TMEM150B: variants seen among roughly 807,000 people sequenced by gnomAD.
TMEM150B encodes the protein modulator of macroautophagy TMEM150B.
A neutral mutation model predicts 25.2 loss-of-function variants in TMEM150B; 33 were observed. The observed-to-expected ratio is 1.31, with a 90% CI of 0.99 to 1.75. TMEM150B has a LOEUF of 1.75. Ranked by LOEUF, TMEM150B falls within the 40% of genes most tolerant of loss-of-function variation. The pLI is 0.00. For synonymous variants in TMEM150B, 133 were observed against 134.8 expected (o/e 0.99, Z 0.09); for missense variants, 322 against 306.1 (o/e 1.05, Z -0.39).
chr19:55,312,784 TG>T, downstream of TMEM150B: 1 of 1,419,210 alleles, frequency 7.0e-7, no homozygotes, highest in East Asian at 2.5e-5. Context: ...CTCATCTTGC[TG>T]GGTGCGGGGC....
rs919062099 is a variant in TMEM150B, at chr19:55,320,250, T to G, written c.197-84A>C. The G allele has an allele frequency of 3.2e-6, 5 of 1,542,138 alleles. No homozygotes were observed. In the African/African-American group the frequency reaches 6.9e-5, roughly 21 times the overall value. On this transcript the variant is annotated intron_variant, in intron 5 of 7. Transcript: ENST00000326652. The stretch of plus-strand genomic sequence containing the variant: ...AGGGAGGGAAGTGAGGGGAGCAAGG[T>G]GAGGGAGAAAGTGGCAAACTCCCGG...
chr19:55,318,287 G>A (rs959297891), intron 6 of TMEM150B, among the ~76,000 whole-genome samples: 4 of 151,756 alleles, frequency 2.6e-5, no homozygotes, highest in African/African-American at 4.8e-5. Flanking sequence ...ACTTGAGCCC[G>A]GGAGATGGAG....
chr19:55,320,653 C>T, intron 3 of TMEM150B, 36 bp from the exon 4 acceptor site: 1 of 1,610,290 alleles, frequency 6.2e-7, no homozygotes, highest in Middle Eastern at 1.7e-4. Flanking sequence ...GCGACTCTCA[C>T]CAACAACTTT....
At position 55,323,326 on chromosome 19, in the gene TMEM150B, G is replaced by A. The variant is rs138161709; in HGVS notation, c.-153-583C>T. On this transcript the variant is annotated intron_variant, in intron 1 of 7. Coordinates refer to ENST00000326652, the MANE Select transcript of TMEM150B (RefSeq NM_001282011.2). ...GGGAGCCTGTAATCCCAGCTACTCC[G>A]GAGGCTGAGGCAGGAGAATCCCTTG... Among the ~76,000 whole-genome samples the A allele has an allele frequency of 3.4e-3, 514 of 151,864 alleles. 13 individuals are homozygous for A. The East Asian group carries it at 0.055, about 16-fold the overall frequency.
rs748724331 is a variant in TMEM150B, at chr19:55,316,776, A to G, written c.505+10T>C. On this transcript the variant is annotated intron_variant, in intron 7 of 7. Transcript: ENST00000326652. ...ACCTCCAAGCCCTACCCCGGATACA[A>G]GAAGGATACTGGCCACAATGAGGAT... is the stretch of plus-strand genomic sequence containing the variant. The G allele has an allele frequency of 5.6e-5, 84 of 1,496,858 alleles. No individual in the cohort carries two copies. Among genetic ancestry groups the G allele is most frequent in the African/African-American group, 1.4e-5 (1 of 69,140 alleles). 92.7% of individuals were successfully genotyped at this position (1,496,858 alleles called of 1,614,324 possible).
intron 7 of TMEM150B, 33 bp downstream of exon 7, chr19:55,316,753 C>A: frequency 4.8e-6 from 7 of 1,451,650 alleles, no homozygotes; most frequent in Non-Finnish European, 6.3e-6. Context: ...GAAGAGCCAC[C>A]TCCAAGCCCT....
downstream of TMEM150B, chr19:55,311,800 C>T: frequency 8.7e-7 from 1 of 1,149,072 alleles, no homozygotes; most frequent in Non-Finnish European, 1.2e-6. Flanking sequence ...GGAGCTAGAG[C>T]CTCGGGGTTA....
intron 2 of TMEM150B, among the ~76,000 whole-genome samples, 171 bp from the exon 3 acceptor site, chr19:55,321,264 C>A (rs73605160): frequency 0.038 from 5,715 of 151,776 alleles, 118 homozygotes; most frequent in African/African-American, 0.058. Context: ...CCCTATCTCA[C>A]GCATTCTCCT....
Position 55,320,876 on chromosome 19 carries a change from G to A in TMEM150B, c.68+93C>T, listed in dbSNP as rs1264133681. On this transcript the variant is annotated intron_variant, in intron 3 of 7. Coordinates refer to ENST00000326652, the MANE Select transcript of TMEM150B (RefSeq NM_001282011.2). ...TCCTCCCTCAGATCCAGGGATCCAG[G>A]CCCCCAACCCCTTCCTCCCTCAGAC... 3.4e-6 allele frequency: 5 copies of A among 1,452,810 alleles called. 1 individual carries two copies. In the South Asian group the frequency reaches 5.3e-5, roughly 15 times the overall value. The allele number at this position is 1,452,810 out of a possible 1,614,324, so 90.0% of individuals were successfully genotyped here.
chr19:55,320,029 T>C lies in TMEM150B; in HGVS notation c.324+10A>G. 1.2e-6 allele frequency: 2 copies of C among 1,613,950 alleles called. No homozygotes were observed. The highest frequency in any genetic ancestry group is 2.2e-5 in the East Asian group (1 of 44,862). On this transcript the variant is annotated intron_variant, in intron 6 of 7. Transcript: ENST00000326652. ...GCCGGGACAGACCCTGGGCGCCGAC[T>C]GGGTCTCACCTGGAAATTGCCTACC...
At chr19:55,324,014 G>T (rs1486590895) in intron 1 of TMEM150B, among the ~76,000 whole-genome samples, 1 of 149,696 alleles carries the variant, frequency 6.7e-6, no homozygotes, top group Non-Finnish European at 1.5e-5. Flanking sequence ...CACCATGTTG[G>T]CCAGGCTGGC....
chr19:55,309,966 C>T (rs1348671160), downstream of TMEM150B, among the ~76,000 whole-genome samples: 3 of 152,148 alleles, frequency 2.0e-5, no homozygotes, highest in Non-Finnish European at 4.4e-5. Flanking sequence ...CTTCCTGGAC[C>T]CCTGGACCCC....
downstream of TMEM150B, chr19:55,312,508 T>C (rs2088828581): frequency 7.2e-6 from 1 of 139,236 alleles, no homozygotes; most frequent in South Asian, 3.0e-4. Context: ...CCTGCCTGCG[T>C]CCGTGTCTCT....
intron 4 of TMEM150B, 31 bp from the exon 5 acceptor site, chr19:55,320,489 A>G (rs777581959): frequency 1.9e-6 from 3 of 1,608,226 alleles, no homozygotes; most frequent in South Asian, 1.1e-5. Context: ...ATCCTGGGCA[A>G]TCCAAGCTAG....
intron 1 of TMEM150B, among the ~76,000 whole-genome samples, chr19:55,323,380 C>T (rs185793301): frequency 6.6e-6 from 1 of 151,804 alleles, no homozygotes; most frequent in Admixed American, 6.6e-5. Flanking sequence ...TGCAGTCAGT[C>T]CAGATCATGC....
At chr19:55,324,935 C>T in intron 1 of TMEM150B, 6 of 966,756 alleles carry the variant, frequency 6.2e-6, no homozygotes, top group Non-Finnish European at 6.2e-6. Flanking sequence ...TATGAGGGAG[C>T]CCAGGGGAGG....
intron 3 of TMEM150B, 81 bp downstream of exon 3, chr19:55,320,887 CT>C (rs2089188122): frequency 2.0e-6 from 3 of 1,526,100 alleles, no homozygotes; most frequent in Non-Finnish European, 2.7e-6. Flanking sequence ...CCCCCAACCC[CT>C]TCCTCCCTCA....
downstream of TMEM150B, chr19:55,311,982 C>G (rs749161942): frequency 6.3e-7 from 1 of 1,583,918 alleles, no homozygotes; most frequent in African/African-American, 1.3e-5. Context: ...ACCCGGCCGC[C>G]CAGACCCAGA....
downstream of TMEM150B, chr19:55,312,533 C>CAAAAAAAAAAAAAAAAA (rs372052269): frequency 1.6e-4 from 4 of 25,736 alleles, no homozygotes; most frequent in Non-Finnish European, 1.9e-4. Flanking sequence ...CCGCCGGCGG[C>CAAAAAAAAAAAAAAAAA]AAAAAAAAAA....
Sources: allele counts gnomAD v4.1 joint callset (sites outside exome capture counted in the v4.1 genomes callset), GRCh38; gene constraint gnomAD v4.1.1; transcripts MANE v1.5; gene names NCBI Gene and HGNC (gene_info 2026-07-23, HGNC 2026-07-21).